Variants in FHIT observed in about 807,000 individuals in gnomAD.
FHIT encodes bis(5'-adenosyl)-triphosphatase.
FHIT carries 19 observed loss-of-function variants against 17.9 expected under a neutral mutation model. The observed-to-expected ratio is 1.06, with a 90% confidence interval of 0.74 to 1.56. The LOEUF (loss-of-function observed/expected upper bound fraction) is 1.56, where lower values mean the gene tolerates loss of function less well. FHIT is among the 40% of genes most tolerant of loss of function. The pLI, the probability that FHIT is intolerant of heterozygous loss-of-function variation, is 0.00. For missense variants in FHIT, 248 were observed against 189.2 expected (o/e 1.31, Z -1.82); for synonymous variants, 81 against 69.7 (o/e 1.16, Z -0.81).
At chr3:59,870,507 T>C (rs1282329442) in intron 8 of FHIT, among the ~76,000 whole-genome samples, 2 of 152,192 alleles carry the variant, frequency 1.3e-5, no homozygotes, top group Non-Finnish European at 2.9e-5. Flanking sequence ...CAAGAACTAA[T>C]CCATCCCACT....
At chr3:60,838,536 A>G (rs1406133166) in intron 3 of FHIT, among the ~76,000 whole-genome samples, 1 of 152,148 alleles carries the variant, frequency 6.6e-6, no homozygotes, top group African/African-American at 2.4e-5. Flanking sequence ...GTTTTCCTTC[A>G]TCTGATAATA....
chr3:61,129,348 G>C (rs2036700658), intron 2 of FHIT, among the ~76,000 whole-genome samples: 1 of 152,190 alleles, frequency 6.6e-6, no homozygotes, highest in Non-Finnish European at 1.5e-5. Flanking sequence ...TATCCCGTCT[G>C]GTTTTTGCTC....
chr3:60,357,932 C>A (rs1699745845), intron 5 of FHIT, among the ~76,000 whole-genome samples: 1 of 152,166 alleles, frequency 6.6e-6, no homozygotes, highest in African/African-American at 2.4e-5. Context: ...AGATAAAAGA[C>A]TCTCATAATT....
intron 5 of FHIT, among the ~76,000 whole-genome samples, chr3:60,040,232 G>A (rs113460095): frequency 5.3e-5 from 8 of 151,622 alleles, no homozygotes; most frequent in African/African-American, 9.7e-5. Flanking sequence ...TGCAACCTCC[G>A]CCTCCCAGGC....
intron 4 of FHIT, among the ~76,000 whole-genome samples, chr3:60,645,485 A>G (rs1342730389): frequency 6.6e-6 from 1 of 152,188 alleles, no homozygotes; most frequent in African/African-American, 2.4e-5. Context: ...TTTGGGTTAC[A>G]AGATAGTACA....
At chr3:61,166,099 T>A (rs2037829143) in intron 2 of FHIT, among the ~76,000 whole-genome samples, 1 of 152,162 alleles carries the variant, frequency 6.6e-6, no homozygotes, top group Non-Finnish European at 1.5e-5. Context: ...TGTGCACCAT[T>A]ACTGTCTTCT....
intron 5 of FHIT, among the ~76,000 whole-genome samples, chr3:60,433,384 G>C (rs1417151050): frequency 1.3e-5 from 2 of 152,088 alleles, no homozygotes; most frequent in East Asian, 3.9e-4. Context: ...ATGAACATGA[G>C]AGTGCTAATA....
intron 2 of FHIT, among the ~76,000 whole-genome samples, chr3:61,158,027 G>A (rs943441791): frequency 6.6e-6 from 1 of 152,184 alleles, no homozygotes; most frequent in Non-Finnish European, 1.5e-5. Context: ...ATGGATGACA[G>A]TGAGTCATGA....
intron 5 of FHIT, among the ~76,000 whole-genome samples, chr3:60,519,026 A>G (rs1490446756): frequency 1.3e-5 from 2 of 152,188 alleles, no homozygotes; most frequent in Admixed American, 6.5e-5. Flanking sequence ...TTTTACATAC[A>G]TATTAAAACG....
intron 5 of FHIT, among the ~76,000 whole-genome samples, chr3:60,501,170 T>C (rs186796304): frequency 7.9e-5 from 12 of 152,286 alleles, no homozygotes; most frequent in East Asian, 3.9e-4. Flanking sequence ...TTCTGTAAAA[T>C]AGGCTGAGAA....
chr3:60,618,755 C>A (rs1465667306), intron 4 of FHIT, among the ~76,000 whole-genome samples: 4 of 151,964 alleles, frequency 2.6e-5, no homozygotes, highest in African/African-American at 9.7e-5. Flanking sequence ...TCTGAGTGGA[C>A]CTAATATAAT....
chr3:60,633,203 A>T (rs1162409066), intron 4 of FHIT, among the ~76,000 whole-genome samples: 3 of 152,214 alleles, frequency 2.0e-5, no homozygotes, highest in African/African-American at 4.8e-5. Context: ...CTAGGGAGGC[A>T]ATAGTTAGGA....
chr3:59,782,284 C>T (rs534726841), intron 8 of FHIT, among the ~76,000 whole-genome samples: 1 of 152,056 alleles, frequency 6.6e-6, no homozygotes, highest in South Asian at 2.1e-4. Flanking sequence ...GTTTTTTTTC[C>T]CTTGAATTTT....
chr3:61,248,744 A>G (rs2040543900), intron 1 of FHIT, among the ~76,000 whole-genome samples: 1 of 152,234 alleles, frequency 6.6e-6, no homozygotes, highest in South Asian at 2.1e-4. Context: ...GGCTGCAGGA[A>G]AAAGGCCAAG....
chr3:61,181,781 C>G (rs750877611), intron 2 of FHIT, among the ~76,000 whole-genome samples: 3 of 152,154 alleles, frequency 2.0e-5, no homozygotes, highest in Non-Finnish European at 4.4e-5. Context: ...AGAAAAATCT[C>G]TCTTTGTTTT....
intron 3 of FHIT, among the ~76,000 whole-genome samples, chr3:60,976,990 T>C: frequency 6.6e-6 from 1 of 152,138 alleles, no homozygotes; most frequent in East Asian, 1.9e-4. Flanking sequence ...GTAAGCCCTG[T>C]AGGAAAGAAA....
intron 2 of FHIT, among the ~76,000 whole-genome samples, chr3:61,175,374 C>T (rs1423166485): frequency 1.2e-4 from 18 of 152,086 alleles, no homozygotes; most frequent in Admixed American, 1.2e-3. Flanking sequence ...ACCCAGATGC[C>T]AGCTTGACCA....
chr3:61,135,093 G>A (rs913880688), intron 2 of FHIT, among the ~76,000 whole-genome samples: 1 of 152,156 alleles, frequency 6.6e-6, no homozygotes, highest in Non-Finnish European at 1.5e-5. Flanking sequence ...TTCACAGAGG[G>A]ACTGTGAAAA....
chr3:60,255,963 C>T (rs1705970375), intron 5 of FHIT, among the ~76,000 whole-genome samples: 1 of 152,182 alleles, frequency 6.6e-6, no homozygotes, highest in Non-Finnish European at 1.5e-5. Flanking sequence ...AAGTGAAACA[C>T]TTGAAATTAG....
Sources: allele counts gnomAD v4.1 joint callset (sites outside exome capture counted in the v4.1 genomes callset), GRCh38; gene constraint gnomAD v4.1.1; transcripts MANE v1.5; gene names NCBI Gene and HGNC (gene_info 2026-07-23, HGNC 2026-07-21).